The following ARHGEF2 variants were observed in gnomAD, a reference collection of about 807,000 sequenced individuals.
ARHGEF2 encodes the protein rho guanine nucleotide exchange factor 2.
Under a neutral mutation model 121.0 loss-of-function variants are expected in ARHGEF2, and 22 were observed. The ratio of observed to expected loss-of-function variants is 0.18; its 90% confidence interval spans 0.13 to 0.26. ARHGEF2 has a LOEUF of 0.26. Ranked by LOEUF, ARHGEF2 falls within the 10% of genes least tolerant of loss-of-function variation. The pLI, the probability that ARHGEF2 is intolerant of heterozygous loss-of-function variation, is 1.00. For synonymous variants in ARHGEF2, 487 were observed against 530.0 expected (o/e 0.92, Z 1.11); for missense variants, 907 against 1,336.0 (o/e 0.68, Z 5.01).
chr1:155,970,317 T>G, intron 1 of ARHGEF2: 6 of 985,572 alleles, frequency 6.1e-6, no homozygotes, highest in Non-Finnish European at 7.2e-6. Context: ...GCAAGTCAAG[T>G]CATTCTCCCT....
intron 21 of ARHGEF2, 141 bp from the exon 22 acceptor site, chr1:155,948,156 T>G (rs1674694748): frequency 3.3e-6 from 2 of 609,204 alleles, no homozygotes; most frequent in Admixed American, 3.5e-5. Context: ...AATTCTTGGG[T>G]GAGAGGAAAA....
rs1572178981 is a variant in ARHGEF2, at chr1:155,969,841, A to G, written c.64-541T>C. Reference sequence around the variant, plus strand: ...GGAGATCCCCTTATTAGATTGGCTGAAGGGGGCAGAATGCCTCCCCTGCCA... The same window carrying G: ...GGAGATCCCCTTATTAGATTGGCTGGAGGGGGCAGAATGCCTCCCCTGCCA... On this transcript the variant is annotated intron_variant, in intron 1 of 21. Coordinates refer to ENST00000361247, the MANE Select transcript of ARHGEF2 (RefSeq NM_001162383.2). 5.1e-6 allele frequency: 5 copies of G among 986,034 alleles called. No homozygotes were observed. In the South Asian group the frequency reaches 2.3e-4, roughly 46 times the overall value. 61.1% of individuals were successfully genotyped at this position (986,034 alleles called of 1,614,324 possible). A position where few individuals can be genotyped will look rare whatever the true frequency, so the allele number is the denominator to read the frequency against.
At chr1:155,970,708 C>G in intron 1 of ARHGEF2, 1 of 986,030 alleles carries the variant, frequency 1.0e-6, no homozygotes, top group Non-Finnish European at 1.2e-6. Context: ...AAGAGATGCA[C>G]GGGCCTGGTG....
chr1:155,969,487 A>C (rs779944936), intron 1 of ARHGEF2, 187 bp from the exon 2 acceptor site: 1 of 1,424,758 alleles, frequency 7.0e-7, no homozygotes. Context: ...TGACCAGGCC[A>C]GGCTCTGGGG....
In ARHGEF2 at chr1:155,978,443, C is replaced by T; in HGVS notation, c.-16G>A. 6.8e-7 allele frequency: 1 copy of T among 1,472,296 alleles called. No homozygotes were observed. Among genetic ancestry groups the T allele is most frequent in the Non-Finnish European group, 9.1e-7 (1 of 1,096,052 alleles). 91.2% of individuals were successfully genotyped at this position (1,472,296 alleles called of 1,614,324 possible). A position where few individuals can be genotyped will look rare whatever the true frequency, so the allele number is the denominator to read the frequency against. On this transcript the variant is annotated 5_prime_UTR_variant, in exon 1 of 22. Coordinates refer to ENST00000361247, the MANE Select transcript of ARHGEF2 (RefSeq NM_001162383.2). The surrounding 1 kb of genome is among the most constrained non-coding windows in gnomAD (Gnocchi z 4.1). Reference sequence around the variant, plus strand: ...TCCGAGACATAATCGGACGGGGGGACCAGGGAGGACGCGGCGCGGACCCCG... The same window carrying T: ...TCCGAGACATAATCGGACGGGGGGATCAGGGAGGACGCGGCGCGGACCCCG...
chr1:155,970,713 C>T (rs552014205), intron 1 of ARHGEF2: 1 of 986,194 alleles, frequency 1.0e-6, no homozygotes, highest in Admixed American at 6.1e-5. Flanking sequence ...ATGCACGGGC[C>T]TGGTGCTTGG....
chr1:155,959,912 C>T (rs1196087914), intron 11 of ARHGEF2, among the ~76,000 whole-genome samples: 1 of 152,122 alleles, frequency 6.6e-6, no homozygotes, highest in South Asian at 2.1e-4. Flanking sequence ...ACCTTTACGG[C>T]TATCTGACCT....
intron 1 of ARHGEF2, among the ~76,000 whole-genome samples, chr1:155,977,711 G>T (rs919980730): frequency 5.9e-5 from 9 of 152,244 alleles, no homozygotes; most frequent in African/African-American, 2.2e-4. Context: ...TCACCTAGAG[G>T]TGATGGTTTG....
rs1681742551 is a variant in ARHGEF2 at position 155,978,454 on chromosome 1, G to A, written c.-27C>T. The A allele has an allele frequency of 1.4e-6, 2 of 1,458,288 alleles. No individual in the cohort carries two copies. Among genetic ancestry groups the A allele is most frequent in the Admixed American group, 2.3e-5 (1 of 42,792 alleles). 90.3% of individuals were successfully genotyped at this position (1,458,288 alleles called of 1,614,324 possible). A position where few individuals can be genotyped will look rare whatever the true frequency, so the allele number is the denominator to read the frequency against. ...ATCGGACGGGGGGACCAGGGAGGAC[G>A]CGGCGCGGACCCCGGCGTCCTGTAT... On this transcript the variant is annotated 5_prime_UTR_variant, in exon 1 of 22. Coordinates refer to ENST00000361247, the MANE Select transcript of ARHGEF2 (RefSeq NM_001162383.2). This position sits in a 1 kb window ranked among gnomAD's most constrained non-coding sequence, Gnocchi z 4.1.
chr1:155,950,388 G>A lies in ARHGEF2; in HGVS notation c.2798C>T (p.Pro933Leu). 1 of 1,614,042 alleles carries A rather than the reference G, an allele frequency of 6.2e-7. No homozygotes were observed. The highest frequency in any genetic ancestry group is 8.5e-7 in the Non-Finnish European group (1 of 1,180,028). ...ACTGCTGTCTTGCAGCCGCTCTTCG[G>A]GGCTCCCCAGTTCCTGCCTCTCTCG... ...EDRERQELGSPEERLQDSSDP... is the reference protein window; with the variant it reads ...EDRERQELGSLEERLQDSSDP... Residue 933 changes from proline (P) to leucine (L), a missense_variant, in exon 21 of 22, where the codon CCC (proline) becomes CTC (leucine). By Grantham distance (98) the Pro-to-Leu change is moderately conservative. Transcript: ENST00000361247. The surrounding 1 kb of genome is among the most constrained non-coding windows in gnomAD (Gnocchi z 5.2).
rs935681864 is a variant in ARHGEF2, at chr1:155,950,048, C to A, written c.2887+251G>T. Among the ~76,000 whole-genome samples the A allele has an allele frequency of 6.6e-6, 1 of 152,066 alleles. No individual in the cohort carries two copies. Among genetic ancestry groups the A allele is most frequent in the African/African-American group, 2.4e-5 (1 of 41,406 alleles). ...AAGTGTTAGGATTACAGGCCTGAGC[C>A]GCCATGCCTTTTTAAAAAAGAATCT... is the stretch of plus-strand genomic sequence containing the variant. On this transcript the variant is annotated intron_variant, in intron 21 of 21. Coordinates refer to ENST00000361247, the MANE Select transcript of ARHGEF2 (RefSeq NM_001162383.2). The surrounding 1 kb of genome is among the most constrained non-coding windows in gnomAD (Gnocchi z 5.2).
rs761958315 is a variant in ARHGEF2, at chr1:155,969,327, A to AG, written c.64-28dup. 5 of 1,612,286 alleles carry AG rather than the reference A, an allele frequency of 3.1e-6. No individual in the cohort carries two copies. In the South Asian group the frequency reaches 4.4e-5, roughly 14 times the overall value. The stretch of plus-strand genomic sequence containing the variant: ...TGTGGAAGGGATGAGAGGGAGAGGA[A>AG]GTGAGGCTGGAAAATGCCAGGGTGC... On this transcript the variant is annotated intron_variant, in intron 1 of 21. Transcript: ENST00000361247.
intron 14 of ARHGEF2, among the ~76,000 whole-genome samples, chr1:155,954,282 C>CTTCTT (rs1676156152): frequency 9.2e-6 from 1 of 108,488 alleles, no homozygotes; most frequent in African/African-American, 3.2e-5. Context: ...CAATCTACTT[C>CTTCTT]TTTTTTTTTT....
At position 155,952,819 on chromosome 1, in the gene ARHGEF2, T is replaced by C. The variant is rs1558000200; in HGVS notation, c.1793A>G (p.Gln598Arg). The C allele has an allele frequency of 1.9e-6, 3 of 1,614,046 alleles. No individual in the cohort carries two copies. The highest frequency in any genetic ancestry group is 2.5e-6 in the Non-Finnish European group (3 of 1,179,986). The change falls in exon 15 of 22, where the codon CAG becomes CGG. Residue 598 changes from glutamine to arginine, a missense_variant. Around this residue, in one of 2 missense-constraint regions of ARHGEF2, gnomAD observed 432 missense variants for 559.5 expected, o/e 0.77. Transcript: ENST00000361247. ...CTCCACCAGTGCCCGGTCCTTCTGC[T>C]GCAACTCCACTGCAGATAAGGAACA... Reference protein sequence around the residue: ...AYLRRIKMELQQKDRALVELL... With the variant: ...AYLRRIKMELRQKDRALVELL...
Position 155,964,892 on chromosome 1 carries a change from CAAAAAAA to C in ARHGEF2, c.724+89_724+95del, listed in dbSNP as rs11295795. On this transcript the variant is annotated intron_variant, in intron 7 of 21. Transcript: ENST00000361247. ...TGGTTGAGAGAGTGAGACTCCATCT[CAAAAAAA>C]AAAAAAAAAAGAAAAAGAAAAATAA... 8.0e-6 allele frequency: 9 copies of C among 1,120,430 alleles called. No homozygotes were observed. In the East Asian group the frequency reaches 1.5e-4, roughly 19 times the overall value. The allele number at this position is 1,120,430 out of a possible 1,614,324, so 69.4% of individuals were successfully genotyped here. A position where few individuals can be genotyped will look rare whatever the true frequency, so the allele number is the denominator to read the frequency against.
chr1:155,951,235 C>T lies in ARHGEF2; in HGVS notation c.2297G>A (p.Arg766Gln), dbSNP rs749109781. 5.0e-6 allele frequency: 8 copies of T among 1,610,476 alleles called. No homozygotes were observed. The highest frequency in any genetic ancestry group is 1.7e-5 in the Admixed American group (1 of 59,836). ...VAQQDTLMEA[R>Q]FPEGPERREK... ...CCGCCGCTCAGGGCCCTCAGGGAACCGGGCTTCCATCAGAGTGTCCTGCTG... is the reference window on the plus strand; with the variant it reads ...CCGCCGCTCAGGGCCCTCAGGGAACTGGGCTTCCATCAGAGTGTCCTGCTG... The change falls in exon 20 of 22, where the codon CGG becomes CAG. Residue 766 changes from arginine (R) to glutamine (Q), a missense_variant. By Grantham distance (43) the Arg-to-Gln change is conservative (BLOSUM62 1). Transcript: ENST00000361247. The surrounding 1 kb of genome is among the most constrained non-coding windows in gnomAD (Gnocchi z 5.1).
At position 155,957,766 on chromosome 1, in the gene ARHGEF2, T is replaced by C. The variant is rs774552611; in HGVS notation, c.1662A>G (p.Ala554=). Residue 554 remains alanine (A), a synonymous_variant, in exon 13 of 22, where the codon GCA becomes GCG. Coordinates refer to ENST00000361247, the MANE Select transcript of ARHGEF2 (RefSeq NM_001162383.2). ...APPEMYEVHT[A]SRDDRSTWIR... ...TCCAGGTGCTCCGGTCATCCCGGGA[T>C]GCTGTGTGCACCTCGTACATCTCAG... 5.0e-6 allele frequency: 8 copies of C among 1,614,198 alleles called. No homozygotes were observed. Among genetic ancestry groups the C allele is most frequent in the Middle Eastern group, 1.6e-4 (1 of 6,062 alleles).
intron 11 of ARHGEF2, among the ~76,000 whole-genome samples, chr1:155,959,658 C>G (rs1677480033): frequency 1.3e-5 from 2 of 152,156 alleles, no homozygotes; most frequent in African/African-American, 4.8e-5. Context: ...GATTCTCATG[C>G]CTCAGCCTCC....
upstream of ARHGEF2, chr1:155,978,970 A>G (rs1681856805): frequency 1.6e-5 from 16 of 985,282 alleles, no homozygotes; most frequent in South Asian, 7.0e-4. The surrounding 1 kb of genome is among the most constrained non-coding windows in gnomAD (Gnocchi z 4.1). Context: ...CTCTTAGAAA[A>G]CCCAGGACCA....
Sources: gnomAD v4.1 joint callset for allele counts (sites outside exome capture counted in the v4.1 genomes callset) on GRCh38, gnomAD v4.1.1 for gene constraint, gnomAD v4.1.1 regional missense constraint, Gnocchi (gnomAD v3.1) non-coding constraint, MANE v1.5 for transcripts, NCBI Gene and HGNC (gene_info 2026-07-23, HGNC 2026-07-21) for gene names.